The following PPP4R4 variants were observed in gnomAD, a reference collection of about 807,000 sequenced individuals.
PPP4R4 encodes serine/threonine-protein phosphatase 4 regulatory subunit 4.
Under a neutral mutation model 121.8 loss-of-function variants are expected in PPP4R4, and 70 were observed. The observed-to-expected ratio is 0.57, with a 90% CI of 0.47 to 0.70. The LOEUF (loss-of-function observed/expected upper bound fraction) is 0.70. PPP4R4 is among the 30% of genes least tolerant of loss of function. The pLI, the probability that PPP4R4 is intolerant of heterozygous loss-of-function variation, is 0.00. For missense variants in PPP4R4, 875 were observed against 1,033.6 expected, an observed-to-expected ratio of 0.85 and a Z score of 2.10; for synonymous variants, 348 against 355.7, an observed-to-expected ratio of 0.98 and a Z score of 0.24.
intron 19 of PPP4R4, among the ~76,000 whole-genome samples, chr14:94,260,125 A>G (rs1193106410): frequency 1.3e-5 from 2 of 152,032 alleles, no homozygotes; most frequent in African/African-American, 2.4e-5. Flanking sequence ...AATAAAATAA[A>G]ACTAAATTTA....
At chr14:94,277,723 G>A (rs566563999) in intron 24 of PPP4R4, among the ~76,000 whole-genome samples, 3 of 151,958 alleles carry the variant, frequency 2.0e-5, no homozygotes, top group Non-Finnish European at 4.4e-5. Flanking sequence ...TTTCACTGTT[G>A]AGCATGCTTT....
chr14:94,203,469 T>C (rs760949493), intron 2 of PPP4R4, among the ~76,000 whole-genome samples: 1 of 152,194 alleles, frequency 6.6e-6, no homozygotes, highest in Non-Finnish European at 1.5e-5. Flanking sequence ...TATCATTGTT[T>C]TCATATCTTT....
At chr14:94,275,639 A>G (rs1894597204) in intron 24 of PPP4R4, 118 bp downstream of exon 24, 1 of 1,189,232 alleles carries the variant, frequency 8.4e-7, no homozygotes. Context: ...AGAAAATGTT[A>G]TAAATTAAAG....
chr14:94,240,556 T>C (rs1402996936), intron 8 of PPP4R4, 117 bp from the exon 9 acceptor site: 106 of 1,138,184 alleles, frequency 9.3e-5, no homozygotes, highest in Non-Finnish European at 1.2e-4. Flanking sequence ...GTATTTTCTA[T>C]TACTATGAGG....
chr14:94,240,736 A>G lies in PPP4R4; in HGVS notation c.917A>G (p.Asp306Gly). The G allele has an allele frequency of 1.2e-6, 2 of 1,607,996 alleles. No individual in the cohort carries two copies. ...TTTTGTGAAAAATCTTTCAAAGCAG[A>G]TGAATCAATTCTTATTTCTTTATCT... is the stretch of plus-strand genomic sequence containing the variant. ...KSFCEKSFKA[D>G]ESILISLSFH... The change falls in exon 9 of 25, where the codon GAT becomes GGT. Residue 306 changes from aspartate to glycine, a missense_variant. Asp to Gly is a moderately conservative substitution (Grantham distance 94). Transcript: ENST00000304338.
intron 7 of PPP4R4, among the ~76,000 whole-genome samples, chr14:94,236,295 C>T (rs1892348159): frequency 6.6e-6 from 1 of 152,056 alleles, no homozygotes. Context: ...ATAACTTTTA[C>T]TATAGAGATG....
rs554381471 is a variant in PPP4R4 at position 94,269,541 on chromosome 14, C to T, written c.2449+2512C>T. On this transcript the variant is annotated intron_variant, in intron 23 of 24. Transcript: ENST00000304338. ...ATAAAAAAAAAAAAATTTAGTCGGG[C>T]GTGGCGTCAGGCGCCTGTAGTTCCA... Among the ~76,000 whole-genome samples the T allele has an allele frequency of 5.9e-5, 9 of 151,564 alleles. No individual in the cohort carries two copies. The South Asian group carries it at 1.9e-3, about 32-fold the overall frequency.
intron 7 of PPP4R4, among the ~76,000 whole-genome samples, chr14:94,235,650 C>T (rs1158949472): frequency 5.3e-5 from 8 of 151,858 alleles, no homozygotes; most frequent in Admixed American, 2.6e-4. Flanking sequence ...CCGCCTGCCT[C>T]GGCCTCCCAA....
At chr14:94,207,837 A>T (rs1272359386) in intron 2 of PPP4R4, among the ~76,000 whole-genome samples, 1 of 151,834 alleles carries the variant, frequency 6.6e-6, no homozygotes, top group Non-Finnish European at 1.5e-5. Flanking sequence ...TTTTCAAGGT[A>T]TTTAGGCCAC....
Position 94,257,357 on chromosome 14 carries a change from A to G in PPP4R4, c.2010+753A>G, listed in dbSNP as rs182301513. 1.5e-3 allele frequency among the ~76,000 whole-genome samples: 235 copies of G among 152,244 alleles called. 2 individuals carry two copies. The highest frequency in any genetic ancestry group is 5.5e-3 in the African/African-American group (228 of 41,578). ...AAATTATTTACTTTTATGAATCTGA[A>G]TATAAACTTCAGGACACATTGTTTT... On this transcript the variant is annotated intron_variant, in intron 17 of 24. Coordinates refer to ENST00000304338, the MANE Select transcript of PPP4R4 (RefSeq NM_058237.2).
intron 2 of PPP4R4, among the ~76,000 whole-genome samples, chr14:94,198,555 T>C (rs1890002522): frequency 1.3e-5 from 2 of 152,210 alleles, no homozygotes; most frequent in Admixed American, 6.5e-5. Context: ...GATTTTTAAA[T>C]TTTTTATACT....
chr14:94,250,309 G>T (rs1400151092), intron 15 of PPP4R4, 32 bp downstream of exon 15: 13 of 1,475,066 alleles, frequency 8.8e-6, no homozygotes, highest in Non-Finnish European at 1.2e-5. Flanking sequence ...TTTTGAAAAA[G>T]GAAAGTAAAC....
chr14:94,175,406 C>G (rs1226832393), intron 1 of PPP4R4: 2 of 153,316 alleles, frequency 1.3e-5, no homozygotes, highest in African/African-American at 2.4e-5. Context: ...TCCCCCCACC[C>G]CTACTGGCTC....
At chr14:94,264,265 T>C (rs4587909) in intron 19 of PPP4R4, among the ~76,000 whole-genome samples, 82,871 of 151,978 alleles carry the variant, frequency 0.55, 25,196 homozygotes, top group African/African-American at 0.82. Flanking sequence ...TCTCCTGCCT[T>C]AGCCTCCTGA....
chr14:94,193,494 A>G (rs1889710854), intron 2 of PPP4R4, among the ~76,000 whole-genome samples: 1 of 152,212 alleles, frequency 6.6e-6, no homozygotes, highest in African/African-American at 2.4e-5. Flanking sequence ...GTGCTTATTT[A>G]TTAGCACAAT....
intron 23 of PPP4R4, among the ~76,000 whole-genome samples, chr14:94,271,274 A>G (rs1023439704): frequency 2.8e-4 from 43 of 152,248 alleles, no homozygotes; most frequent in African/African-American, 1.0e-3. Context: ...CAAAAAAATT[A>G]GCAAATCACA....
At chr14:94,210,709 A>G (rs565836127) in intron 3 of PPP4R4, among the ~76,000 whole-genome samples, 1 of 152,280 alleles carries the variant, frequency 6.6e-6, no homozygotes, top group Admixed American at 6.5e-5. Context: ...AACAAGTATA[A>G]TAGAGTATTG....
chr14:94,264,708 G>C (rs192776931), intron 19 of PPP4R4, among the ~76,000 whole-genome samples, 170 bp from the exon 20 acceptor site: 2 of 152,254 alleles, frequency 1.3e-5, no homozygotes, highest in Non-Finnish European at 2.9e-5. Flanking sequence ...TATGAAAAGA[G>C]CACAAATCTG....
chr14:94,265,460 C>T lies in PPP4R4; in HGVS notation c.2271C>T (p.Val757=). The T allele has an allele frequency of 6.2e-7, 1 of 1,609,556 alleles. No individual in the cohort carries two copies. The highest frequency in any genetic ancestry group is 8.5e-7 in the Non-Finnish European group (1 of 1,175,878). Residue 757 remains valine (V), a synonymous_variant, in exon 21 of 25, where the codon GTC becomes GTT. Transcript: ENST00000304338. The part of the protein sequence containing the change: ...IPISVPGPSS[V]TPSTSKEIKK... Reference sequence around the variant, plus strand: ...TTTCTGTTCCTGGACCCTCTTCTGTCACCCCATCGACAAGTAAGAAATAAC... The same window carrying T: ...TTTCTGTTCCTGGACCCTCTTCTGTTACCCCATCGACAAGTAAGAAATAAC...
Sources: gnomAD v4.1 joint callset for allele counts (sites outside exome capture counted in the v4.1 genomes callset) on GRCh38, gnomAD v4.1.1 for gene constraint, MANE v1.5 for transcripts, NCBI Gene and HGNC (gene_info 2026-07-23, HGNC 2026-07-21) for gene names.